Variants in FANCD2OS observed in about 807,000 individuals in gnomAD.
FANCD2OS encodes the protein FANCD2 opposite strand protein.
FANCD2OS carries 11 observed loss-of-function variants against 13.2 expected under a neutral mutation model. That is an observed-to-expected ratio of 0.83 (90% confidence interval 0.52 to 1.38). The LOEUF (loss-of-function observed/expected upper bound fraction) is 1.38. Among genes scored for constraint, FANCD2OS ranks in the 40% most tolerant of loss-of-function variants. FANCD2OS has a pLI of 0.00. For synonymous variants in FANCD2OS, 69 were observed against 84.5 expected, an observed-to-expected ratio of 0.82 and a Z score of 1.01; for missense variants, 217 against 213.9, an observed-to-expected ratio of 1.01 and a Z score of -0.09.
At chr3:10,095,357 C>T in intron 2 of FANCD2OS, 1 of 1,091,272 alleles carries the variant, frequency 9.2e-7, no homozygotes, top group Non-Finnish European at 1.4e-6. Flanking sequence ...GGGCTACCAT[C>T]CTTCTTCCTT....
downstream of FANCD2OS, chr3:10,101,237 A>T (rs1173599413): frequency 6.2e-7 from 1 of 1,612,990 alleles, no homozygotes; most frequent in Admixed American, 1.7e-5. Context: ...CAAGATAGTG[A>T]TGAGAGTTAT....
At chr3:10,093,200 A>C in intron 2 of FANCD2OS, 1 of 980,588 alleles carries the variant, frequency 1.0e-6, no homozygotes, top group Non-Finnish European at 1.7e-6. Context: ...CAGCACCCAA[A>C]GCTGTGCTTT....
At chr3:10,093,322 A>T in intron 2 of FANCD2OS, 1 of 1,611,708 alleles carries the variant, frequency 6.2e-7, no homozygotes, top group Non-Finnish European at 8.5e-7. Flanking sequence ...GTATGTTTGA[A>T]GGTGAGAGAT....
intron 1 of FANCD2OS, 115 bp from the exon 2 acceptor site, chr3:10,104,897 A>G (rs1695428055): frequency 1.3e-6 from 1 of 769,472 alleles, no homozygotes; most frequent in South Asian, 2.5e-5. Flanking sequence ...TATAGTTCCC[A>G]TGAATAGATT....
Position 10,096,407 on chromosome 3 carries a change from A to G in FANCD2OS, c.*43+7791T>C, listed in dbSNP as rs151055132. ...ACTTTTAGTTTGCAGAGTCAAAGCT[A>G]TGCTCACTCTCAACAATTGTAGAGA... is the stretch of plus-strand genomic sequence containing the variant. On this transcript the variant is annotated intron_variant, in intron 2 of 2. Coordinates refer to the FANCD2OS transcript ENST00000524279. The G allele has an allele frequency of 6.2e-6, 10 of 1,614,026 alleles. No homozygotes were observed. In the African/African-American group the frequency reaches 1.1e-4, roughly 17 times the overall value.
chr3:10,101,896 G>A (rs1394769004), downstream of FANCD2OS: 1 of 184,824 alleles, frequency 5.4e-6, no homozygotes, highest in East Asian at 8.8e-5. Context: ...ACTTAGGCTT[G>A]TACCAATTTT....
chr3:10,088,927 C>T lies in FANCD2OS; in HGVS notation c.*44-7396G>A, dbSNP rs1559404961. 3 of 1,613,804 alleles carry T rather than the reference C, an allele frequency of 1.9e-6. No individual in the cohort carries two copies. The South Asian group carries it at 3.3e-5, about 18-fold the overall frequency. On this transcript the variant is annotated intron_variant, in intron 2 of 2. Transcript: ENST00000524279. ...TCAACTCTCCTAAAGATGCATCTTC[C>T]TCCACATTCCCTACACTGACCAGGT...
chr3:10,083,425 G>C (rs369844298), intron 2 of FANCD2OS: 1 of 152,232 alleles, frequency 6.6e-6, no homozygotes, highest in Non-Finnish European at 1.5e-5. Context: ...AGCATGCCAA[G>C]TGTTGGTGAG....
At chr3:10,098,948 T>A (rs1418671841), downstream of FANCD2OS, 1 of 1,614,182 alleles carries the variant, frequency 6.2e-7, no homozygotes, top group African/African-American at 1.3e-5. Context: ...ATTCCCTCCA[T>A]AACAGCTTCT....
chr3:10,108,268 C>T (rs1695557981), upstream of FANCD2OS: 1 of 152,288 alleles, frequency 6.6e-6, no homozygotes, highest in Admixed American at 6.5e-5. Context: ...GGGTCTCACG[C>T]TCCAAAGTGG....
chr3:10,092,911 C>T (rs956086334), intron 2 of FANCD2OS, among the ~76,000 whole-genome samples: 2 of 151,814 alleles, frequency 1.3e-5, no homozygotes, highest in African/African-American at 4.8e-5. Flanking sequence ...AGGCTGGCCT[C>T]GAACTCCTGG....
exon 3 of FANCD2OS, chr3:10,081,321 GT>G: frequency 6.2e-7 from 1 of 1,611,218 alleles, no homozygotes; most frequent in African/African-American, 1.3e-5. Context: ...TGAAGCAACT[GT>G]CCTAAAATCA....
At chr3:10,105,770 A>ATTTT (rs61561970) in intron 1 of FANCD2OS, among the ~76,000 whole-genome samples, 2 of 30,360 alleles carry the variant, frequency 6.6e-5, no homozygotes, top group South Asian at 1.2e-3. Flanking sequence ...AAAAAAAAAA[A>ATTTT]ATTATATATA....
At chr3:10,098,114 A>G (rs541080991), downstream of FANCD2OS, among the ~76,000 whole-genome samples, 2 of 152,290 alleles carry the variant, frequency 1.3e-5, no homozygotes, top group East Asian at 3.9e-4. Flanking sequence ...TGAGTCTTGT[A>G]GTCAATTATA....
chr3:10,106,630 T>C (rs1048605634), intron 1 of FANCD2OS, among the ~76,000 whole-genome samples: 1 of 152,186 alleles, frequency 6.6e-6, no homozygotes, highest in Non-Finnish European at 1.5e-5. Context: ...AAAAGAACTG[T>C]TGGCCGGGCA....
Position 10,104,425 on chromosome 3 carries a change from G to C in FANCD2OS, c.350C>G (p.Thr117Ser). 3.7e-6 allele frequency: 6 copies of C among 1,614,206 alleles called. No individual in the cohort carries two copies. The highest frequency in any genetic ancestry group is 5.1e-6 in the Non-Finnish European group (6 of 1,180,036). The change falls in exon 2 of 2, where the codon ACT (threonine) becomes AGT (serine). Residue 117 changes from threonine (T) to serine (S), a missense_variant. By Grantham distance (58) the Thr-to-Ser change is moderately conservative. Transcript: ENST00000450660. ...ITAQPPKWTG[T>S]FRVSDKSAFC... The stretch of plus-strand genomic sequence containing the variant: ...GGCTGACTTGTCTGAAACTCTGAAA[G>C]TCCCGGTCCACTTTGGTGGCTGAGC...
In FANCD2OS at chr3:10,104,594, T is replaced by G; in HGVS notation, c.181A>C (p.Ser61Arg). ...CFQEVTLVLDSPFLESGVSPK... is the reference protein window; with the variant it reads ...CFQEVTLVLDRPFLESGVSPK... The stretch of plus-strand genomic sequence containing the variant: ...CTCACTCCAGATTCCAGGAATGGGC[T>G]GTCTAGGACTAGAGTGACCTCTTGA... The change falls in exon 2 of 2, where the codon AGC (serine) becomes CGC (arginine). Residue 61 changes from serine (S) to arginine (R), a missense_variant. Coordinates refer to ENST00000450660, the MANE Select transcript of FANCD2OS (RefSeq NM_001164839.2). 6.2e-7 allele frequency: 1 copy of G among 1,614,188 alleles called. No homozygotes were observed. Among genetic ancestry groups the G allele is most frequent in the Non-Finnish European group, 8.5e-7 (1 of 1,180,040 alleles).
At position 10,088,970 on chromosome 3, in the gene FANCD2OS, C is replaced by T; in HGVS notation, c.*44-7439G>A. 6.2e-7 allele frequency: 1 copy of T among 1,613,488 alleles called. No individual in the cohort carries two copies. The highest frequency in any genetic ancestry group is 1.3e-5 in the African/African-American group (1 of 74,996). ...GACCAGGTAAGGGAGTTCTTTCCTCCAGTTTTTCCCTTAAGATAGAATCAT... is the reference window on the plus strand; with the variant it reads ...GACCAGGTAAGGGAGTTCTTTCCTCTAGTTTTTCCCTTAAGATAGAATCAT... On this transcript the variant is annotated intron_variant, in intron 2 of 2. Coordinates refer to the FANCD2OS transcript ENST00000524279.
downstream of FANCD2OS, chr3:10,099,055 A>C (rs1695150177): frequency 6.3e-7 from 1 of 1,587,306 alleles, no homozygotes; most frequent in African/African-American, 1.3e-5. Flanking sequence ...TAGAGTTGAC[A>C]ATTTTCTGCA....
Sources: gnomAD v4.1 joint callset for allele counts (sites outside exome capture counted in the v4.1 genomes callset) on GRCh38, gnomAD v4.1.1 for gene constraint, MANE v1.5 for transcripts, NCBI Gene and HGNC (gene_info 2026-07-23, HGNC 2026-07-21) for gene names.